MTMR9: variants seen among roughly 807,000 people sequenced by gnomAD.
MTMR9 encodes myotubularin related protein 9, also known as myotubularin-related protein 9.
MTMR9 carries 39 observed loss-of-function variants against 69.5 expected under a neutral mutation model. The ratio of observed to expected loss-of-function variants is 0.56; its 90% confidence interval spans 0.43 to 0.73. MTMR9 has a LOEUF of 0.73. Ranked by LOEUF, MTMR9 falls within the 30% of genes least tolerant of loss-of-function variation. The probability of loss-of-function intolerance (pLI) is 0.00; values close to 1 mark genes in which losing one functional copy is unlikely to be tolerated. For missense variants in MTMR9, 900 were observed against 671.2 expected, an observed-to-expected ratio of 1.34 and a Z score of -3.77; for synonymous variants, 354 against 240.8, an observed-to-expected ratio of 1.47 and a Z score of -4.35.
In MTMR9 at chr8:11,304,858, A is replaced by G. The variant is rs147471568; in HGVS notation, c.435A>G (p.Leu145=). ...LYSSATSEWR[L]SYVNKEFAVC... is the part of the protein sequence containing the mutation. ...TTTTTCAGACCAGTGAATGGAGGCT[A>G]AGCTATGTCAATAAGGAATTTGCTG... Residue 145 remains leucine, a synonymous_variant, in exon 4 of 10, where the codon CTA becomes CTG. Coordinates refer to ENST00000221086, the MANE Select transcript of MTMR9 (RefSeq NM_015458.4). 18 of 1,613,888 alleles carry G rather than the reference A, an allele frequency of 1.1e-5. No individual in the cohort carries two copies. The African/African-American group carries it at 2.3e-4, about 20-fold the overall frequency.
At chr8:11,321,464 G>A (rs760954979) in intron 9 of MTMR9, 12 of 456,568 alleles carry the variant, frequency 2.6e-5, no homozygotes, top group South Asian at 1.9e-4. Flanking sequence ...TGGGTGGCCT[G>A]AAGGATGATT....
Position 11,309,564 on chromosome 8 carries a change from GA to G in MTMR9, c.849del (p.Ala284LeufsTer22). The G allele has an allele frequency of 6.2e-7, 1 of 1,613,694 alleles. No individual in the cohort carries two copies. The highest frequency in any genetic ancestry group is 8.5e-7 in the Non-Finnish European group (1 of 1,179,754). ...TCAGGAGAGCTTAATCAAACTTGTGGAAGCTTGTAATGACCAAACACATAAC... is the reference window on the plus strand; with the variant it reads ...TCAGGAGAGCTTAATCAAACTTGTGGAGCTTGTAATGACCAAACACATAAC... ...ILQESLIKLVEACNDQTHNMD... is the reference protein window; with the variant it reads ...ILQESLIKLVXACNDQTHNMD... On this transcript the variant is annotated frameshift_variant, in exon 6 of 10. Transcript: ENST00000221086. LOFTEE classifies it high-confidence loss of function.
At chr8:11,305,152 A>G (rs149708347) in intron 4 of MTMR9, 138 bp downstream of exon 4, 88 of 777,682 alleles carry the variant, frequency 1.1e-4, no homozygotes, top group Non-Finnish European at 1.7e-4. Context: ...CCTTCATGTA[A>G]GCTTTAGGGA....
chr8:11,287,824 A>ATATATTTTT, intron 1 of MTMR9, among the ~76,000 whole-genome samples: 2 of 124,438 alleles, frequency 1.6e-5, no homozygotes, highest in Non-Finnish European at 3.2e-5. Context: ...TATAATATAT[A>ATATATTTTT]ATATATAACA....
chr8:11,314,120 A>G (rs1470376553), intron 6 of MTMR9, among the ~76,000 whole-genome samples: 1 of 152,236 alleles, frequency 6.6e-6, no homozygotes, highest in Non-Finnish European at 1.5e-5. Flanking sequence ...AGCTCTATGT[A>G]GTGTATATGT....
intron 6 of MTMR9, among the ~76,000 whole-genome samples, 187 bp from the exon 7 acceptor site, chr8:11,314,736 C>G (rs553279076): frequency 6.6e-6 from 1 of 152,118 alleles, no homozygotes; most frequent in Non-Finnish European, 1.5e-5. Context: ...TCTTATCTAT[C>G]GTATGCCTTA....
intron 9 of MTMR9, chr8:11,320,619 G>C (rs2117459907): frequency 6.6e-6 from 1 of 152,354 alleles, no homozygotes; most frequent in South Asian, 2.1e-4. Context: ...TGTAGCCCCA[G>C]CTACTCAGGA....
chr8:11,326,806 T>A lies in MTMR9; in HGVS notation c.*4018T>A, dbSNP rs1429309234. ...TAACACGGTGAAAACCCATGTCTACTAAAAATACAAAAAATTAGCCAGGTG... is the reference window on the plus strand; with the variant it reads ...TAACACGGTGAAAACCCATGTCTACAAAAAATACAAAAAATTAGCCAGGTG... On this transcript the variant is annotated 3_prime_UTR_variant, in exon 10 of 10. Transcript: ENST00000221086. The A allele has an allele frequency of 1.3e-5, 2 of 152,122 alleles. No homozygotes were observed. Among genetic ancestry groups the A allele is most frequent in the African/African-American group, 4.8e-5 (2 of 41,366 alleles). 9.4% of individuals were successfully genotyped at this position (152,122 alleles called of 1,614,324 possible).
intron 9 of MTMR9, chr8:11,320,998 C>A (rs2736260): frequency 0.024 from 3,779 of 160,586 alleles, 150 homozygotes; most frequent in African/African-American, 0.083. Flanking sequence ...GTGTGGAAAA[C>A]TATTTGCCCT....
At chr8:11,290,153 G>A (rs1032515764) in intron 1 of MTMR9, among the ~76,000 whole-genome samples, 5 of 152,166 alleles carry the variant, frequency 3.3e-5, no homozygotes, top group Non-Finnish European at 2.9e-5. Flanking sequence ...CCAGTCTGAA[G>A]ATTGTGAAAT....
At chr8:11,299,078 A>C (rs974892615) in intron 2 of MTMR9, among the ~76,000 whole-genome samples, 2 of 152,186 alleles carry the variant, frequency 1.3e-5, no homozygotes, top group African/African-American at 4.8e-5. Context: ...ATGTAATCCC[A>C]ATACTTTGAG....
intron 9 of MTMR9, chr8:11,321,750 A>T (rs536432133): frequency 1.0e-5 from 3 of 292,008 alleles, no homozygotes; most frequent in East Asian, 8.4e-5. Context: ...GAATTAGAAA[A>T]ATCAACATGG....
At chr8:11,306,659 A>G (rs541899126) in intron 5 of MTMR9, among the ~76,000 whole-genome samples, 1 of 152,344 alleles carries the variant, frequency 6.6e-6, no homozygotes, top group East Asian at 1.9e-4. Context: ...GATTAAGTGA[A>G]TTAACCTATC....
At chr8:11,339,471 A>T in the MTMR9 span, among the ~76,000 whole-genome samples, 2 of 152,248 alleles carry the variant, frequency 1.3e-5, no homozygotes, top group Non-Finnish European at 2.9e-5. Context: ...CCAGATCTGT[A>T]GGCCAAATCT....
intron 2 of MTMR9, 45 bp downstream of exon 2, chr8:11,295,347 T>A: frequency 9.4e-7 from 1 of 1,069,112 alleles, no homozygotes; most frequent in Non-Finnish European, 1.4e-6. Flanking sequence ...AATTTTATAT[T>A]ATGACTCAGT....
At chr8:11,314,074 A>G (rs187592086) in intron 6 of MTMR9, among the ~76,000 whole-genome samples, 1 of 152,222 alleles carries the variant, frequency 6.6e-6, no homozygotes, top group African/African-American at 2.4e-5. Flanking sequence ...CGAGTGTAGA[A>G]TAAGAGTGAG....
downstream of MTMR9, chr8:11,331,407 C>T (rs368530281): frequency 5.6e-5 from 91 of 1,613,830 alleles, no homozygotes; most frequent in Admixed American, 5.0e-4. Context: ...TCCTGACATC[C>T]GAGGCTGGGC....
In MTMR9 at chr8:11,315,010, A is replaced by T. The variant is rs771313641; in HGVS notation, c.1059A>T (p.Pro353=). ...CCTTGGCCCAGATCATCTTAGAGCCAAGAAGCAGGACCATTCGTGGTTTTG... is the reference window on the plus strand; with the variant it reads ...CCTTGGCCCAGATCATCTTAGAGCCTAGAAGCAGGACCATTCGTGGTTTTG... The part of the protein sequence containing the change: ...VTSLAQIILE[P]RSRTIRGFEA... Residue 353 remains proline, a synonymous_variant, in exon 7 of 10, where the codon CCA becomes CCT. Coordinates refer to ENST00000221086, the MANE Select transcript of MTMR9 (RefSeq NM_015458.4). The T allele has an allele frequency of 6.8e-6, 11 of 1,614,074 alleles. No homozygotes were observed. The East Asian group carries it at 2.5e-4, about 36-fold the overall frequency.
rs1800841203 is a variant in MTMR9 at position 11,324,609 on chromosome 8, C to G, written c.*1821C>G. 1 of 150,930 alleles carries G rather than the reference C, an allele frequency of 6.6e-6. No individual in the cohort carries two copies. The highest frequency in any genetic ancestry group is 2.1e-4 in the South Asian group (1 of 4,776). The allele number at this position is 150,930 out of a possible 1,614,324, so 9.3% of individuals were successfully genotyped here. On this transcript the variant is annotated 3_prime_UTR_variant, in exon 10 of 10. Transcript: ENST00000221086. Reference sequence around the variant, plus strand: ...ACAGCTGAGCTTTTTGTTTTCTTCTCTTTTTGTCTCAAGATTGTATATGAA... The same window carrying G: ...ACAGCTGAGCTTTTTGTTTTCTTCTGTTTTTGTCTCAAGATTGTATATGAA...
Sources: allele counts gnomAD v4.1 joint callset (sites outside exome capture counted in the v4.1 genomes callset), GRCh38; gene constraint gnomAD v4.1.1; transcripts MANE v1.5; gene names NCBI Gene and HGNC (gene_info 2026-07-23, HGNC 2026-07-21).